Variants in ZNF704 observed in about 807,000 individuals in gnomAD.
The protein encoded by ZNF704 is glucocorticoid induced gene 1.
Under a neutral mutation model 44.7 loss-of-function variants are expected in ZNF704, and 10 were observed. The ratio of observed to expected loss-of-function variants is 0.22; its 90% CI spans 0.14 to 0.38. ZNF704 has a LOEUF of 0.38. Ranked by LOEUF, ZNF704 falls within the 10% of genes least tolerant of loss-of-function variation. ZNF704 has a pLI of 1.00. For synonymous variants in ZNF704, 211 were observed against 207.6 expected (o/e 1.02, Z -0.14); for missense variants, 390 against 545.5 (o/e 0.71, Z 2.84).
chr8:80,857,561 C>T (rs1403242170), intron 1 of ZNF704, among the ~76,000 whole-genome samples: 1 of 152,138 alleles, frequency 6.6e-6, no homozygotes, highest in Non-Finnish European at 1.5e-5. Context: ...TTACACTTTA[C>T]ATTCCTAGGA....
chr8:80,860,795 T>C (rs1382904562), intron 1 of ZNF704, among the ~76,000 whole-genome samples: 1 of 152,242 alleles, frequency 6.6e-6, no homozygotes, highest in Non-Finnish European at 1.5e-5. Flanking sequence ...CAATTATGAA[T>C]AAATTAGGAG....
chr8:80,826,218 A>G (rs1015504659), intron 1 of ZNF704, among the ~76,000 whole-genome samples: 29 of 152,216 alleles, frequency 1.9e-4, no homozygotes, highest in African/African-American at 6.3e-4. Context: ...AGAATCAAAT[A>G]GACACAATAA....
chr8:80,761,441 TA>T (rs776039927), intron 2 of ZNF704, among the ~76,000 whole-genome samples: 1 of 152,158 alleles, frequency 6.6e-6, no homozygotes, highest in Non-Finnish European at 1.5e-5. Flanking sequence ...GTTTGGGCCA[TA>T]ATCCTGAAAG....
At chr8:80,774,783 G>A (rs117048555) in intron 2 of ZNF704, among the ~76,000 whole-genome samples, 1,578 of 152,242 alleles carry the variant, frequency 0.01, 17 homozygotes, top group Middle Eastern at 0.041. Context: ...AAAGTTTTCC[G>A]TCTCGCTAGG....
chr8:80,773,004 TC>T (rs1807345437), intron 2 of ZNF704, among the ~76,000 whole-genome samples: 1 of 152,200 alleles, frequency 6.6e-6, no homozygotes, highest in Admixed American at 6.5e-5. Flanking sequence ...CCTCTTTGAT[TC>T]ATGGGTTATA....
chr8:80,757,780 A>T (rs755050853), intron 2 of ZNF704, among the ~76,000 whole-genome samples: 1 of 152,200 alleles, frequency 6.6e-6, no homozygotes, highest in Non-Finnish European at 1.5e-5. Context: ...TTGTGTTACA[A>T]TTGCCTGCAG....
intron 2 of ZNF704, among the ~76,000 whole-genome samples, chr8:80,734,389 A>G (rs543817860): frequency 2.6e-5 from 4 of 152,380 alleles, no homozygotes; most frequent in Admixed American, 6.5e-5. Context: ...TACCTAAAAG[A>G]TGAAAGGAAG....
rs535626177 is a variant in ZNF704, at chr8:80,635,900, T to C, written c.*5466A>G. 1.3e-5 allele frequency: 2 copies of C among 152,300 alleles called. No individual in the cohort carries two copies. Among genetic ancestry groups the C allele is most frequent in the African/African-American group, 2.4e-5 (1 of 41,564 alleles). 9.4% of individuals were successfully genotyped at this position (152,300 alleles called of 1,614,324 possible). A position where few individuals can be genotyped will look rare whatever the true frequency, so the allele number is the denominator to read the frequency against. ...AAAGATATGCATCAAAACATTTGCT[T>C]AAAAGAGACATAGCCCTTTGTTTGG... On this transcript the variant is annotated 3_prime_UTR_variant, in exon 9 of 9. Transcript: ENST00000327835.
At chr8:80,739,886 A>G (rs1806728200) in intron 2 of ZNF704, among the ~76,000 whole-genome samples, 1 of 152,182 alleles carries the variant, frequency 6.6e-6, no homozygotes, top group Admixed American at 6.5e-5. Flanking sequence ...CCAGGGGATG[A>G]AAGTCCTCCG....
chr8:80,872,105 C>T (rs1466014473), intron 1 of ZNF704, among the ~76,000 whole-genome samples: 1 of 152,278 alleles, frequency 6.6e-6, no homozygotes, highest in East Asian at 1.9e-4. Flanking sequence ...TATTTCTGGA[C>T]AAAAATGCTA....
chr8:80,757,796 C>T (rs1408971074), intron 2 of ZNF704, among the ~76,000 whole-genome samples: 1 of 152,100 alleles, frequency 6.6e-6, no homozygotes, highest in Non-Finnish European at 1.5e-5. Context: ...TGCAGTATTC[C>T]GTACAATAAC....
rs1437573764 is a variant in ZNF704, at chr8:80,628,967, G to A, written c.*12399C>T. 1 of 152,060 alleles carries A rather than the reference G, an allele frequency of 6.6e-6. No individual in the cohort carries two copies. The highest frequency in any genetic ancestry group is 2.1e-4 in the South Asian group (1 of 4,824). The allele number at this position is 152,060 out of a possible 1,614,324, so 9.4% of individuals were successfully genotyped here. On this transcript the variant is annotated 3_prime_UTR_variant, in exon 9 of 9. Coordinates refer to ENST00000327835, the MANE Select transcript of ZNF704 (RefSeq NM_001033723.3). ...TGAACATTTAACATTGTACATCTTC[G>A]ATCTGAAAATTTCCTTCTGTTTCAA...
intron 2 of ZNF704, among the ~76,000 whole-genome samples, chr8:80,732,212 A>T (rs573536949): frequency 1.3e-4 from 20 of 151,076 alleles, no homozygotes; most frequent in Admixed American, 7.2e-4. Context: ...TATATACTAC[A>T]CCCATTTTCG....
intron 2 of ZNF704, among the ~76,000 whole-genome samples, chr8:80,741,922 C>T (rs570913140): frequency 6.6e-6 from 1 of 152,204 alleles, no homozygotes; most frequent in African/African-American, 2.4e-5. Flanking sequence ...AACTAATAGC[C>T]CTCACTCGGG....
At chr8:80,819,329 C>T (rs779807522) in intron 2 of ZNF704, among the ~76,000 whole-genome samples, 27 of 152,086 alleles carry the variant, frequency 1.8e-4, no homozygotes, top group Non-Finnish European at 3.2e-4. Context: ...CATCTTTCTT[C>T]TTCCTCTTTT....
intron 2 of ZNF704, among the ~76,000 whole-genome samples, chr8:80,737,309 T>C (rs901800483): frequency 2.6e-5 from 4 of 152,344 alleles, no homozygotes; most frequent in East Asian, 3.9e-4. Flanking sequence ...AGGACTGCAA[T>C]TGTCAGAAGG....
chr8:80,773,422 T>C (rs1488875864), intron 2 of ZNF704, among the ~76,000 whole-genome samples: 1 of 152,242 alleles, frequency 6.6e-6, no homozygotes, highest in Non-Finnish European at 1.5e-5. Flanking sequence ...CATTTTTAAT[T>C]GTTTTAAATA....
At chr8:80,657,693 G>GAA (rs796181687) in intron 7 of ZNF704, among the ~76,000 whole-genome samples, 3 of 78,332 alleles carry the variant, frequency 3.8e-5, no homozygotes, top group Admixed American at 2.9e-4. Context: ...CCTGTTTCAA[G>GAA]AAAAAAAAAA....
chr8:80,663,729 TTTTA>T (rs1818139240), intron 6 of ZNF704, among the ~76,000 whole-genome samples: 1 of 152,096 alleles, frequency 6.6e-6, no homozygotes, highest in East Asian at 1.9e-4. Context: ...AATGCTTACA[TTTTA>T]TTTATTTTTT....
Sources: gnomAD v4.1 joint callset for allele counts (sites outside exome capture counted in the v4.1 genomes callset) on GRCh38, gnomAD v4.1.1 for gene constraint, MANE v1.5 for transcripts, NCBI Gene and HGNC (gene_info 2026-07-23, HGNC 2026-07-21) for gene names.